SRPK3: variants seen among roughly 807,000 people sequenced by gnomAD.
SRPK3 encodes SRSF protein kinase 3, also known as SFRS protein kinase 3.
A neutral mutation model predicts 45.3 loss-of-function variants in SRPK3; 26 were observed. The ratio of observed to expected loss-of-function variants is 0.57; its 90% CI spans 0.42 to 0.80. SRPK3 has a LOEUF of 0.80. SRPK3 is among the 30% of genes least tolerant of loss of function. SRPK3 has a pLI of 0.00. For synonymous variants in SRPK3, 254 were observed against 226.6 expected (o/e 1.12, Z -1.09); for missense variants, 536 against 514.5 (o/e 1.04, Z -0.40).
In SRPK3 at chrX:153,785,682, C is replaced by G; in HGVS notation, c.*162C>G. 1 of 801,311 alleles carries G rather than the reference C, an allele frequency of 1.2e-6. No homozygotes were observed. Among genetic ancestry groups the G allele is most frequent in the Non-Finnish European group, 1.8e-6 (1 of 560,607 alleles). The allele number at this position is 801,311 out of a possible 1,213,427, so 66.0% of individuals were successfully genotyped here. A position where few individuals can be genotyped will look rare whatever the true frequency, so the allele number is the denominator to read the frequency against. ...GTTCTGCCTGAGACCCCCGTGAGGG[C>G]TCTCGGAGAAAGTGTGTGTATTCCT... On this transcript the variant is annotated 3_prime_UTR_variant, in exon 15 of 15. Transcript: ENST00000370101.
chrX:153,782,304 G>A, intron 5 of SRPK3, 96 bp downstream of exon 5: 13 of 743,315 alleles, frequency 1.7e-5, no homozygotes, highest in Non-Finnish European at 2.7e-5. Context: ...CCCGCACAAT[G>A]GGCTTGCATC....
In SRPK3 at chrX:153,782,225, G is replaced by C. The variant is rs781861218; in HGVS notation, c.475+17G>C. ...ATGGAGTCCGTATCCTTTGCAGGAA[G>C]AGCAAAGCAGTGTGGCAGCCAAGGG... On this transcript the variant is annotated intron_variant, in intron 5 of 14. Coordinates refer to ENST00000370101, the MANE Select transcript of SRPK3 (RefSeq NM_014370.4). 1.7e-6 allele frequency: 2 copies of C among 1,185,534 alleles called. No homozygotes were observed. The highest frequency in any genetic ancestry group is 2.3e-6 in the Non-Finnish European group (2 of 872,204).
Position 153,782,754 on chromosome X carries a change from C to T in SRPK3, c.476-18C>T. Reference sequence around the variant, plus strand: ...GCCGCAGCTGGTGTCCACTGGCCGCCCTTCACTCCCAGCCCAGATGTGTGC... The same window carrying T: ...GCCGCAGCTGGTGTCCACTGGCCGCTCTTCACTCCCAGCCCAGATGTGTGC... On this transcript the variant is annotated intron_variant, in intron 5 of 14. Coordinates refer to ENST00000370101, the MANE Select transcript of SRPK3 (RefSeq NM_014370.4). 1 of 1,188,708 alleles carries T rather than the reference C, an allele frequency of 8.4e-7. No individual in the cohort carries two copies. Among genetic ancestry groups the T allele is most frequent in the Non-Finnish European group, 1.1e-6 (1 of 881,305 alleles).
Position 153,781,440 on chromosome X carries a change from G to A in SRPK3, c.191-65G>A, listed in dbSNP as rs2092051122. Reference sequence around the variant, plus strand: ...CATGGGCCAGATGGTCAATGGGGCCGAGGTGTTCGGGGGCCCAGGGGAGTG... The same window carrying A: ...CATGGGCCAGATGGTCAATGGGGCCAAGGTGTTCGGGGGCCCAGGGGAGTG... On this transcript the variant is annotated intron_variant, in intron 2 of 14. Transcript: ENST00000370101. 5.9e-6 allele frequency: 7 copies of A among 1,178,972 alleles called. No individual in the cohort carries two copies. In the South Asian group the frequency reaches 9.5e-5, roughly 16 times the overall value.
chrX:153,781,237 CGA>C lies in SRPK3; in HGVS notation c.83_84del (p.Glu28ValfsTer95). 1 of 1,208,649 alleles carries C rather than the reference CGA, an allele frequency of 8.3e-7. No individual in the cohort carries two copies. Among genetic ancestry groups the C allele is most frequent in the East Asian group, 3.0e-5 (1 of 33,633 alleles). On this transcript the variant is annotated frameshift_variant, in exon 2 of 15. Coordinates refer to ENST00000370101, the MANE Select transcript of SRPK3 (RefSeq NM_014370.4). LOFTEE classifies it high-confidence loss of function. The stretch of plus-strand genomic sequence containing the variant: ...GCAGCTCACAGGCCTCCTGCGGGCC[CGA>C]GTCCTCGGGCTCCGAACTAGCCCTG... Reference protein sequence around the residue: ...SSSSQASCGPESSGSELALAT... With the variant: ...SSSSQASCGPXSSGSELALAT...
rs782043348 is a variant in SRPK3 at position 153,783,104 on chromosome X, C to G, written c.734C>G (p.Pro245Arg). The change falls in exon 7 of 15, where the codon CCC becomes CGC. Residue 245 changes from proline (P) to arginine (R), a missense_variant. Physicochemically the swap from Pro to Arg is moderately radical, Grantham distance 103. Coordinates refer to ENST00000370101, the MANE Select transcript of SRPK3 (RefSeq NM_014370.4). Reference sequence around the variant, plus strand: ...TGGCAACAGGCAGGGGCGCCGCCCCCCTCCCGCTCCATAGGTACCAAGGGC... The same window carrying G: ...TGGCAACAGGCAGGGGCGCCGCCCCGCTCCCGCTCCATAGGTACCAAGGGC... ...TEWQQAGAPP[P>R]SRSIVSTAPQ... 3.5e-5 allele frequency: 41 copies of G among 1,164,281 alleles called. No individual in the cohort carries two copies. Among genetic ancestry groups the G allele is most frequent in the Non-Finnish European group, 4.5e-5 (39 of 873,878 alleles).
At chrX:153,784,573 G>A in intron 11 of SRPK3, 177 bp from the exon 12 acceptor site, 1 of 714,292 alleles carries the variant, frequency 1.4e-6, no homozygotes, top group Non-Finnish European at 2.1e-6. Context: ...CCACTAGGAA[G>A]GGATCAGCCT....
rs1557068668 is a variant in SRPK3 at position 153,785,336 on chromosome X, G to A, written c.1520G>A (p.Gly507Glu). ...RYSREFFNRR[G>E]ELRHIHNLKH... ...CTGACGCCCGCTGGCCTGCCCGCAG[G>A]AGAGCTGCGGCACATCCACAATCTC... The change falls in exon 15 of 15, where the codon GGA becomes GAA. Residue 507 changes from glycine (G) to glutamate (E), a missense_variant and splice_region_variant. Physicochemically the swap from Gly to Glu is moderately conservative, Grantham distance 98. Transcript: ENST00000370101. 8.3e-7 allele frequency: 1 copy of A among 1,205,130 alleles called. No individual in the cohort carries two copies. Among genetic ancestry groups the A allele is most frequent in the Admixed American group, 2.2e-5 (1 of 46,011 alleles).
chrX:153,783,703 C>A, intron 8 of SRPK3, 49 bp from the exon 9 acceptor site: 3 of 1,202,237 alleles, frequency 2.5e-6, no homozygotes, highest in Non-Finnish European at 2.2e-6. Flanking sequence ...CCACTTCATG[C>A]TGACTGGGGC....
In SRPK3 at chrX:153,785,125, G is replaced by C. The variant is rs1557068591; in HGVS notation, c.1471G>C (p.Ala491Pro). Residue 491 changes from alanine (A) to proline (P), a missense_variant, in exon 14 of 15, where the codon GCC becomes CCC. Coordinates refer to ENST00000370101, the MANE Select transcript of SRPK3 (RefSeq NM_014370.4). ...GGAGCTTCTGGGGGACATCCCCCCA[G>C]CCTTCGCCCTCTCAGGCCGCTATTC... is the stretch of plus-strand genomic sequence containing the variant. ...IVELLGDIPP[A>P]FALSGRYSRE... 2 of 1,211,145 alleles carry C rather than the reference G, an allele frequency of 1.7e-6. No individual in the cohort carries two copies. The highest frequency in any genetic ancestry group is 2.2e-6 in the Non-Finnish European group (2 of 895,368).
At chrX:153,783,717 C>T (rs2092066054) in intron 8 of SRPK3, 35 bp from the exon 9 acceptor site, 8 of 1,205,498 alleles carry the variant, frequency 6.6e-6, no homozygotes, top group South Asian at 1.8e-5. Context: ...CTGGGGCGGG[C>T]GACAGGAACC....
rs782007485 is a variant in SRPK3 at position 153,783,036 on chromosome X, G to A, written c.666G>A (p.Val222=). 6.8e-6 allele frequency: 8 copies of A among 1,183,020 alleles called. No individual in the cohort carries two copies. The highest frequency in any genetic ancestry group is 1.8e-5 in the African/African-American group (1 of 57,025). ...DIKPENILLC[V]GDAYIRRLAA... ...AGCCCGAGAACATCTTGCTGTGTGT[G>A]GGGGACGCTTACATCAGGCGCCTGG... Residue 222 remains valine (V), a synonymous_variant, in exon 7 of 15, where the codon GTG becomes GTA. Transcript: ENST00000370101.
chrX:153,783,822 T>C lies in SRPK3; in HGVS notation c.845T>C (p.Leu282Pro). The C allele has an allele frequency of 8.3e-7, 1 of 1,204,429 alleles. No individual in the cohort carries two copies. The highest frequency in any genetic ancestry group is 1.1e-6 in the Non-Finnish European group (1 of 892,181). ...AAACGGAAACAGCAGAAGCGGCTGCTGGAGGAGCGGCTGCGGGACCTGCAG... is the reference window on the plus strand; with the variant it reads ...AAACGGAAACAGCAGAAGCGGCTGCCGGAGGAGCGGCTGCGGGACCTGCAG... ...RRKRKQQKRL[L>P]EERLRDLQRL... The change falls in exon 9 of 15, where the codon CTG becomes CCG. Residue 282 changes from leucine to proline, a missense_variant. Coordinates refer to ENST00000370101, the MANE Select transcript of SRPK3 (RefSeq NM_014370.4).
rs1557068717 is a variant in SRPK3, at chrX:153,785,412, A to G, written c.1596A>G (p.Leu532=). The G allele has an allele frequency of 8.3e-7, 1 of 1,210,094 alleles. No individual in the cohort carries two copies. The highest frequency in any genetic ancestry group is 1.1e-6 in the Non-Finnish European group (1 of 895,056). The change falls in exon 15 of 15, where the codon CTA becomes CTG. Residue 532 remains leucine (L), a synonymous_variant. Coordinates refer to ENST00000370101, the MANE Select transcript of SRPK3 (RefSeq NM_014370.4). The part of the protein sequence containing the change: ...EVLMEKYEWP[L]EQATQFSAFL... ...TCATGGAAAAGTACGAGTGGCCCCT[A>G]GAGCAGGCCACACAGTTCAGCGCCT...
At chrX:153,783,919 G>A (rs1465871468) in intron 9 of SRPK3, 35 bp downstream of exon 9, 20 of 1,190,964 alleles carry the variant, frequency 1.7e-5, no homozygotes, top group African/African-American at 3.5e-5. Flanking sequence ...GCCGTGGAGC[G>A]CAGCAAAGGC....
At position 153,782,180 on chromosome X, in the gene SRPK3, C is replaced by T. The variant is rs1328248736; in HGVS notation, c.447C>T (p.Asp149=). ...KRETIVQLID[D]FRISGVNGVH... ...AGACCATTGTCCAGCTCATTGATGACTTCAGGATCTCAGGAGTCAATGGAG... is the reference window on the plus strand; with the variant it reads ...AGACCATTGTCCAGCTCATTGATGATTTCAGGATCTCAGGAGTCAATGGAG... The change falls in exon 5 of 15, where the codon GAC becomes GAT. Residue 149 remains aspartate, a synonymous_variant. Coordinates refer to ENST00000370101, the MANE Select transcript of SRPK3 (RefSeq NM_014370.4). 1.7e-6 allele frequency: 2 copies of T among 1,209,048 alleles called. No homozygotes were observed. Among genetic ancestry groups the T allele is most frequent in the African/African-American group, 3.5e-5 (2 of 57,282 alleles).
chrX:153,781,375 C>T, intron 2 of SRPK3, 29 bp downstream of exon 2: 1 of 1,175,782 alleles, frequency 8.5e-7, no homozygotes, highest in Non-Finnish European at 1.1e-6. Flanking sequence ...GACATGCGGC[C>T]TCACGGCCAC....
chrX:153,784,480 T>A, intron 11 of SRPK3, 86 bp downstream of exon 11: 1 of 1,031,538 alleles, frequency 9.7e-7, no homozygotes, highest in Non-Finnish European at 1.3e-6. Flanking sequence ...CCTACCCCAG[T>A]CTGCAGTGCA....
Position 153,784,848 on chromosome X carries a change from A to G in SRPK3, c.1347A>G (p.Thr449=), listed in dbSNP as rs782709875. Residue 449 remains threonine, a synonymous_variant, in exon 12 of 15, where the codon ACA becomes ACG. Transcript: ENST00000370101. ...EYGPPADIWS[T]ACMAFELATG... is the part of the protein sequence containing the mutation. ...GCCCCCCGGCAGACATCTGGAGCACAGCCTGCATGGTACGCCCGCCCGGGC... is the reference window on the plus strand; with the variant it reads ...GCCCCCCGGCAGACATCTGGAGCACGGCCTGCATGGTACGCCCGCCCGGGC... The G allele has an allele frequency of 3.3e-6, 4 of 1,211,296 alleles. No homozygotes were observed. The highest frequency in any genetic ancestry group is 4.5e-6 in the Non-Finnish European group (4 of 895,479).
Sources: gnomAD v4.1 joint callset for allele counts on GRCh38, gnomAD v4.1.1 for gene constraint, MANE v1.5 for transcripts, NCBI Gene and HGNC (gene_info 2026-07-23, HGNC 2026-07-21) for gene names.